STX19: variants seen among roughly 807,000 people sequenced by gnomAD.
STX19 encodes the protein syntaxin 19, also known as syntaxin-19.
A neutral mutation model predicts 24.3 loss-of-function variants in STX19; 26 were observed. The ratio of observed to expected loss-of-function variants is 1.07; its 90% CI spans 0.78 to 1.48. The LOEUF is 1.48. STX19 is among the 40% of genes most tolerant of loss of function. The pLI is 0.00. For synonymous variants in STX19, 116 were observed against 106.9 expected, an observed-to-expected ratio of 1.09 and a Z score of -0.52; for missense variants, 367 against 331.9, an observed-to-expected ratio of 1.11 and a Z score of -0.82.
rs138910207 is a variant in STX19, at chr3:94,015,905, C to T, written c.-13-623G>A. 3.1e-3 allele frequency among the ~76,000 whole-genome samples: 472 copies of T among 152,166 alleles called. 4 individuals are homozygous for T. The highest frequency in any genetic ancestry group is 0.011 in the African/African-American group (450 of 41,532). ...AACATTGGTTTGATTATGCTGATTT[C>T]TCATTCTTAGCATTCTTTTGCAAAG... On this transcript the variant is annotated intron_variant, in intron 1 of 1. Transcript: ENST00000315099.
At chr3:94,018,790 G>A (rs375260410) in intron 1 of STX19, among the ~76,000 whole-genome samples, 1 of 152,010 alleles carries the variant, frequency 6.6e-6, no homozygotes. Flanking sequence ...TTTTGAGACC[G>A]AGTCTCACTC....
intron 1 of STX19, among the ~76,000 whole-genome samples, chr3:94,022,877 A>T (rs988414028): frequency 6.6e-6 from 1 of 152,054 alleles, no homozygotes; most frequent in Non-Finnish European, 1.5e-5. Flanking sequence ...TCACCTGCTT[A>T]ATTTTGTACA....
rs190739518 is a variant in STX19, at chr3:94,023,445, T to C, written c.-14+4922A>G. ...TTGATGCATTTATTTGGTAAACATA[T>C]AGTTGGTCTTTTCAACCTAGAAACT... On this transcript the variant is annotated intron_variant, in intron 1 of 1. Transcript: ENST00000315099. Among the ~76,000 whole-genome samples, 327 of 152,252 alleles carry C rather than the reference T, an allele frequency of 2.1e-3. 2 individuals carry two copies. The highest frequency in any genetic ancestry group is 7.7e-3 in the African/African-American group (320 of 41,576).
rs780520443 is a variant in STX19, at chr3:94,015,019, C to G, written c.251G>C (p.Arg84Thr). ...AGACTCTCTCTTAAGTAGACTAAAC[C>G]TTCTCATTGAAGCCACCAGACTTTT... Reference protein sequence around the residue: ...QQKSLVASMRRFSLLKRESTI... With the variant: ...QQKSLVASMRTFSLLKRESTI... Residue 84 changes from arginine to threonine, a missense_variant, in exon 2 of 2, where the codon AGG (arginine) becomes ACG (threonine). Transcript: ENST00000315099. 35 of 1,613,884 alleles carry G rather than the reference C, an allele frequency of 2.2e-5. No individual in the cohort carries two copies. In the East Asian group the frequency reaches 7.8e-4, roughly 36 times the overall value.
intron 1 of STX19, among the ~76,000 whole-genome samples, chr3:94,016,142 C>T (rs1407305977): frequency 2.0e-5 from 3 of 151,958 alleles, no homozygotes; most frequent in Middle Eastern, 3.2e-3. Flanking sequence ...GACATACATA[C>T]ATATAAAATG....
chr3:94,028,108 TA>T (rs943264372), intron 1 of STX19, among the ~76,000 whole-genome samples: 22 of 152,170 alleles, frequency 1.4e-4, no homozygotes, highest in African/African-American at 5.1e-4. Flanking sequence ...GCTTACTTTT[TA>T]AAAGACTTAA....
intron 1 of STX19, among the ~76,000 whole-genome samples, chr3:94,024,186 C>T (rs921870790): frequency 6.6e-6 from 1 of 152,136 alleles, no homozygotes; most frequent in African/African-American, 2.4e-5. Flanking sequence ...CCAGGCTGGT[C>T]TTGAACTCCT....
intron 1 of STX19, among the ~76,000 whole-genome samples, chr3:94,025,588 G>A (rs1193110014): frequency 6.6e-6 from 1 of 152,164 alleles, no homozygotes; most frequent in Non-Finnish European, 1.5e-5. Flanking sequence ...AGTGAAATTC[G>A]TCAGTAGCCT....
chr3:94,022,891 A>G (rs1039196632), intron 1 of STX19, among the ~76,000 whole-genome samples: 3 of 152,044 alleles, frequency 2.0e-5, no homozygotes, highest in Non-Finnish European at 4.4e-5. Context: ...TTGTACATAC[A>G]TCACTAATTC....
Position 94,014,367 on chromosome 3 carries a change from A to G in STX19, c.*18T>C, listed in dbSNP as rs773023991. The G allele has an allele frequency of 2.7e-5, 41 of 1,509,058 alleles. No homozygotes were observed. In the Admixed American group the frequency reaches 2.7e-4, roughly 10 times the overall value. The allele number at this position is 1,509,058 out of a possible 1,614,324, so 93.5% of individuals were successfully genotyped here. ...TATCTTTTACCGTAAAGCTGGAAAA[A>G]GTTTTAAAATAGCTTCTTTATTTTG... is the stretch of plus-strand genomic sequence containing the variant. On this transcript the variant is annotated 3_prime_UTR_variant, in exon 2 of 2. Transcript: ENST00000315099.
At chr3:94,019,389 G>A (rs1413253995) in intron 1 of STX19, among the ~76,000 whole-genome samples, 1 of 151,422 alleles carries the variant, frequency 6.6e-6, no homozygotes, top group African/African-American at 2.4e-5. Flanking sequence ...TAGAGATAGG[G>A]TTTCACCATA....
In STX19 at chr3:94,015,260, G is replaced by A. The variant is rs775375684; in HGVS notation, c.10C>T (p.Arg4Ter). Residue 4 changes from arginine to a stop codon, truncating the protein, a stop_gained, in exon 2 of 2, where the codon CGA becomes TGA. Transcript: ENST00000315099. LOFTEE classifies it high-confidence loss of function. MKD[R>*]LQELKQRTKE... ...GTTCTCTGCTTTAGTTCTTGAAGTC[G>A]GTCTTTCATCTTCCCTTTCCTCCTA... 45 of 1,534,480 alleles carry A rather than the reference G, an allele frequency of 2.9e-5. No homozygotes were observed. The Admixed American group carries it at 5.7e-4, about 19-fold the overall frequency.
intron 1 of STX19, among the ~76,000 whole-genome samples, chr3:94,018,870 A>G (rs539558893): frequency 5.3e-5 from 8 of 152,126 alleles, no homozygotes; most frequent in South Asian, 2.1e-4. Context: ...GGTTCAAGCA[A>G]TTCTCCTGCC....
rs903551519 is a variant in STX19, at chr3:94,028,427, A to C, written c.-74T>G. On this transcript the variant is annotated 5_prime_UTR_variant, in exon 1 of 2. Transcript: ENST00000315099. ...GCGGTGTTGGAGTCCTGCCTTTGAGAGAATATCTGAATATCATCTCATGTT... is the reference window on the plus strand; with the variant it reads ...GCGGTGTTGGAGTCCTGCCTTTGAGCGAATATCTGAATATCATCTCATGTT... The C allele has an allele frequency of 6.6e-6, 1 of 152,244 alleles. No homozygotes were observed. Among genetic ancestry groups the C allele is most frequent in the Non-Finnish European group, 1.5e-5 (1 of 68,046 alleles). The allele number at this position is 152,244 out of a possible 1,614,324, so 9.4% of individuals were successfully genotyped here. A position where few individuals can be genotyped will look rare whatever the true frequency, so the allele number is the denominator to read the frequency against.
At chr3:94,016,649 C>G (rs75639523) in intron 1 of STX19, among the ~76,000 whole-genome samples, 1 of 142,480 alleles carries the variant, frequency 7.0e-6, no homozygotes, top group Non-Finnish European at 1.5e-5. Flanking sequence ...ATTAAGCTTT[C>G]TTTTTTTTTT....
chr3:94,026,962 C>G (rs999237334), intron 1 of STX19, among the ~76,000 whole-genome samples: 8 of 152,238 alleles, frequency 5.3e-5, no homozygotes, highest in Middle Eastern at 3.4e-3. Flanking sequence ...AAAAGGTTCT[C>G]TGCCCTATTA....
At chr3:94,016,656 T>G (rs138513169) in intron 1 of STX19, among the ~76,000 whole-genome samples, 2 of 151,762 alleles carry the variant, frequency 1.3e-5, no homozygotes, top group African/African-American at 2.4e-5. Flanking sequence ...TTTCTTTTTT[T>G]TTTTTTTGGA....
intron 1 of STX19, among the ~76,000 whole-genome samples, chr3:94,023,633 C>CT (rs937093765): frequency 1.3e-5 from 2 of 152,116 alleles, no homozygotes; most frequent in Admixed American, 1.3e-4. Context: ...TTTAAAGTGA[C>CT]TTGCCTAAGG....
At chr3:94,020,947 T>G (rs981016020) in intron 1 of STX19, among the ~76,000 whole-genome samples, 1 of 152,040 alleles carries the variant, frequency 6.6e-6, no homozygotes, top group African/African-American at 2.4e-5. Flanking sequence ...TCTGCATATT[T>G]TTATTGTCTA....
Sources: allele counts gnomAD v4.1 joint callset (sites outside exome capture counted in the v4.1 genomes callset), GRCh38; gene constraint gnomAD v4.1.1; transcripts MANE v1.5; gene names NCBI Gene and HGNC (gene_info 2026-07-23, HGNC 2026-07-21).